The following ZC4H2 variants were observed in gnomAD, a reference collection of about 807,000 sequenced individuals.
The protein encoded by ZC4H2 is zinc finger C4H2 domain-containing protein.
For missense variants in ZC4H2, 137 were observed against 173.9 expected, an observed-to-expected ratio of 0.79 and a Z score of 1.19; for synonymous variants, 84 against 66.3, an observed-to-expected ratio of 1.27 and a Z score of -1.30.
chrX:64,918,199 A>T, intron 4 of ZC4H2: 1 of 184,497 alleles, frequency 5.4e-6, no homozygotes, highest in Non-Finnish European at 1.0e-5. Context: ...AGGACTATTT[A>T]ATTTTCTAGA....
chrX:64,976,339 G>A lies in ZC4H2; in HGVS notation c.39C>T (p.Ser13=). The stretch of plus-strand genomic sequence containing the variant: ...GTGCCACTTACCTGATCTCTTTAAT[G>A]CTTTCCAATTTGCACATGATTTCTT... ...DEQEIMCKLE[S]IKEIRNKTLQ... is the part of the protein sequence containing the mutation. The change falls in exon 1 of 5, where the codon AGC becomes AGT. Residue 13 remains serine, a synonymous_variant. Coordinates refer to ENST00000374839, the MANE Select transcript of ZC4H2 (RefSeq NM_018684.4). The A allele has an allele frequency of 8.3e-7, 1 of 1,211,681 alleles. No homozygotes were observed. The highest frequency in any genetic ancestry group is 1.1e-6 in the Non-Finnish European group (1 of 895,362).
chrX:64,935,538 C>T (rs1929963703), intron 1 of ZC4H2, among the ~76,000 whole-genome samples: 1 of 112,160 alleles, frequency 8.9e-6, no homozygotes, highest in South Asian at 3.7e-4. Flanking sequence ...GGAGATACCT[C>T]TCAGTAGGGG....
intron 1 of ZC4H2, among the ~76,000 whole-genome samples, chrX:64,937,006 G>A (rs1014665029): frequency 9.0e-6 from 1 of 110,716 alleles, no homozygotes; most frequent in Non-Finnish European, 1.9e-5. Flanking sequence ...CCATCAGTGT[G>A]CTGTATTCAG....
At chrX:65,022,181 C>T (rs769870688) in intron 1 of ZC4H2, among the ~76,000 whole-genome samples, 1 of 111,801 alleles carries the variant, frequency 8.9e-6, no homozygotes, top group African/African-American at 3.2e-5. Flanking sequence ...TTTTGTGAGG[C>T]CAGCATCATC....
intron 1 of ZC4H2, among the ~76,000 whole-genome samples, chrX:64,999,039 GTT>G (rs58094683): frequency 0.048 from 569 of 11,793 alleles, 1 homozygote; most frequent in Middle Eastern, 0.077. Flanking sequence ...TGGATTATGT[GTT>G]TTTTTTTTTT....
chrX:65,003,742 T>C (rs781027850), intron 1 of ZC4H2, among the ~76,000 whole-genome samples: 5 of 109,409 alleles, frequency 4.6e-5, no homozygotes, highest in Non-Finnish European at 7.6e-5. Flanking sequence ...CCAGGCAAGG[T>C]GGCGGGTGCC....
Position 64,919,173 on chromosome X carries a change from T to C in ZC4H2, c.430A>G (p.Thr144Ala). ...GGGATGGGGGGCTCCTGAGGTTCTG[T>C]CTGCCATTCTGCTTTCTGCTTCTCA... ...YFEKQKAEWQ[T>A]EPQEPPIPES... The change falls in exon 4 of 5, where the codon ACA becomes GCA. Residue 144 changes from threonine to alanine, a missense_variant. Coordinates refer to ENST00000374839, the MANE Select transcript of ZC4H2 (RefSeq NM_018684.4). The C allele has an allele frequency of 1.7e-6, 2 of 1,211,077 alleles. No individual in the cohort carries two copies. The highest frequency in any genetic ancestry group is 2.2e-6 in the Non-Finnish European group (2 of 895,232).
At chrX:64,929,751 T>C (rs1451912697) in intron 1 of ZC4H2, among the ~76,000 whole-genome samples, 1 of 112,045 alleles carries the variant, frequency 8.9e-6, no homozygotes, top group Non-Finnish European at 1.9e-5. Flanking sequence ...ACCATTACCA[T>C]GCTGTTTTGG....
chrX:64,947,063 TA>T lies in ZC4H2; in HGVS notation c.54-25076del, dbSNP rs199896615. Reference sequence around the variant, plus strand: ...CAGCTCACTCAGTTTAGTGTATTTTTATTTTTCTTGAGACTCTCTATGAAAT... The same window carrying T: ...CAGCTCACTCAGTTTAGTGTATTTTTTTTTTCTTGAGACTCTCTATGAAAT... On this transcript the variant is annotated intron_variant, in intron 1 of 4. Transcript: ENST00000374839. Among the ~76,000 whole-genome samples the T allele has an allele frequency of 3.3e-3, 372 of 112,114 alleles. 8 individuals carry two copies. Among genetic ancestry groups the T allele is most frequent in the Admixed American group, 0.025 (265 of 10,521 alleles).
chrX:64,985,121 A>T (rs1932156647), intron 1 of ZC4H2, among the ~76,000 whole-genome samples: 1 of 112,267 alleles, frequency 8.9e-6, no homozygotes, highest in African/African-American at 3.2e-5. Context: ...GGTTGGTTCC[A>T]TGACTTTGCT....
chrX:64,969,616 G>A (rs1240262022), intron 1 of ZC4H2, among the ~76,000 whole-genome samples: 1 of 111,891 alleles, frequency 8.9e-6, no homozygotes, highest in Non-Finnish European at 1.9e-5. Context: ...ACCAGCAGCA[G>A]CATTGCCTGG....
chrX:64,942,167 T>C (rs776914321), intron 1 of ZC4H2, among the ~76,000 whole-genome samples: 6 of 111,818 alleles, frequency 5.4e-5, no homozygotes, highest in African/African-American at 2.0e-4. Context: ...TAGATTTTTC[T>C]AGTTTATTTG....
At chrX:64,991,578 G>T (rs1207268470) in intron 1 of ZC4H2, among the ~76,000 whole-genome samples, 1 of 111,295 alleles carries the variant, frequency 9.0e-6, no homozygotes, top group African/African-American at 3.3e-5. Context: ...CTCACAGCTT[G>T]CCAGGAGTGA....
At chrX:64,952,268 T>A (rs1267242778) in intron 1 of ZC4H2, among the ~76,000 whole-genome samples, 3 of 109,803 alleles carry the variant, frequency 2.7e-5, no homozygotes, top group Non-Finnish European at 5.7e-5. Context: ...GGCTTAGGAT[T>A]GACTTGGCAA....
chrX:64,934,478 A>T (rs1034552441), intron 1 of ZC4H2, among the ~76,000 whole-genome samples: 3 of 112,155 alleles, frequency 2.7e-5, no homozygotes, highest in African/African-American at 9.7e-5. Context: ...TATTCTTTTG[A>T]TGCCTGTGGG....
upstream of ZC4H2, among the ~76,000 whole-genome samples, chrX:64,976,824 C>A (rs1344152477): frequency 9.2e-6 from 1 of 109,169 alleles, no homozygotes; most frequent in Non-Finnish European, 1.9e-5. Context: ...TCGCTAATTA[C>A]GCCTTGGGGA....
rs775175003 is a variant in ZC4H2 at position 64,976,425 on chromosome X, G to C, written c.-48C>G. ...TCCCGAGAGATGTACAAATACACCA[G>C]CCAAGGGATACAATAGACACAATGT... is the stretch of plus-strand genomic sequence containing the variant. On this transcript the variant is annotated 5_prime_UTR_variant, in exon 1 of 5. Transcript: ENST00000374839. 22 of 1,157,878 alleles carry C rather than the reference G, an allele frequency of 1.9e-5. No homozygotes were observed. Among genetic ancestry groups the C allele is most frequent in the Non-Finnish European group, 2.5e-5 (21 of 848,048 alleles).
intron 1 of ZC4H2, among the ~76,000 whole-genome samples, chrX:64,991,398 A>G (rs994005072): frequency 1.8e-5 from 2 of 111,431 alleles, no homozygotes; most frequent in Non-Finnish European, 3.8e-5. Context: ...ATTTATTTCT[A>G]TTTTTTAAGA....
rs770669281 is a variant in ZC4H2 at position 64,998,073 on chromosome X, CA to C, written c.-272+36555del. 4.7e-4 allele frequency among the ~76,000 whole-genome samples: 52 copies of C among 110,919 alleles called. No homozygotes were observed. In the South Asian group the frequency reaches 8.4e-3, roughly 18 times the overall value. ...GAGAAGGCAATAGAAACTGTGCATGCAAAAAAGTCAACTAAACACACAGAAA... is the reference window on the plus strand; with the variant it reads ...GAGAAGGCAATAGAAACTGTGCATGCAAAAAGTCAACTAAACACACAGAAA... On this transcript the variant is annotated intron_variant, in intron 1 of 4. Transcript: ENST00000337990.
Sources: gnomAD v4.1 joint callset for allele counts (sites outside exome capture counted in the v4.1 genomes callset) on GRCh38, gnomAD v4.1.1 for gene constraint, MANE v1.5 for transcripts, NCBI Gene and HGNC (gene_info 2026-07-23, HGNC 2026-07-21) for gene names.